Variants in NCOA2 observed in about 807,000 individuals in gnomAD.
NCOA2 encodes the protein class E basic helix-loop-helix protein 75.
NCOA2 carries 21 observed loss-of-function variants against 145.1 expected under a neutral mutation model. The ratio of observed to expected loss-of-function variants is 0.14; its 90% CI spans 0.10 to 0.21. The LOEUF is 0.21. NCOA2 is among the 10% of genes least tolerant of loss of function. The pLI, the probability that NCOA2 is intolerant of heterozygous loss-of-function variation, is 1.00. For synonymous variants in NCOA2, 619 were observed against 637.5 expected, an observed-to-expected ratio of 0.97 and a Z score of 0.44; for missense variants, 1,472 against 1,837.6, an observed-to-expected ratio of 0.80 and a Z score of 3.64.
At chr8:70,163,915 T>C (rs1321224104) in intron 7 of NCOA2, among the ~76,000 whole-genome samples, 1 of 152,188 alleles carries the variant, frequency 6.6e-6, no homozygotes, top group Non-Finnish European at 1.5e-5. Context: ...TTTAAATGGC[T>C]GATAGAAAAC....
chr8:70,331,838 G>A (rs1807135069), intron 1 of NCOA2, among the ~76,000 whole-genome samples: 2 of 152,110 alleles, frequency 1.3e-5, no homozygotes, highest in Admixed American at 1.3e-4. Flanking sequence ...AGCAAAGGCA[G>A]TATGAATAAA....
intron 7 of NCOA2, among the ~76,000 whole-genome samples, chr8:70,165,854 C>T (rs1398453196): frequency 6.6e-6 from 1 of 152,192 alleles, no homozygotes; most frequent in Non-Finnish European, 1.5e-5. Context: ...GAGTCTCACT[C>T]TGTCGCCCAG....
the NCOA2 span, among the ~76,000 whole-genome samples, chr8:70,431,601 A>G: frequency 4.6e-5 from 7 of 152,210 alleles, no homozygotes; most frequent in Non-Finnish European, 1.0e-4. Flanking sequence ...CTTATTCCAC[A>G]CTCTCATAAA....
chr8:70,161,283 G>A (rs1179589508), intron 9 of NCOA2, among the ~76,000 whole-genome samples: 1 of 152,154 alleles, frequency 6.6e-6, no homozygotes, highest in African/African-American at 2.4e-5. Context: ...ATTAAACTCA[G>A]GACCCAAGGA....
intron 1 of NCOA2, among the ~76,000 whole-genome samples, chr8:70,355,458 A>G (rs1320092790): frequency 2.0e-5 from 3 of 152,238 alleles, no homozygotes; most frequent in African/African-American, 4.8e-5. Context: ...GGTGAGAACT[A>G]TCCTCAGGGA....
rs141338976 is a variant in NCOA2, at chr8:70,256,267, G to A, written c.-19-39503C>T. Among the ~76,000 whole-genome samples the A allele has an allele frequency of 9.7e-4, 147 of 152,250 alleles. 2 individuals are homozygous for A. The East Asian group carries it at 0.024, about 25-fold the overall frequency. On this transcript the variant is annotated intron_variant, in intron 2 of 22. Coordinates refer to ENST00000452400, the MANE Select transcript of NCOA2 (RefSeq NM_006540.4). ...ATTCCTAGAGACCAGCTGACAGAAC[G>A]GGAGGCAAGGAAATGGAGGCAGATT...
At chr8:70,277,515 A>G (rs1825554363) in intron 2 of NCOA2, among the ~76,000 whole-genome samples, 1 of 152,200 alleles carries the variant, frequency 6.6e-6, no homozygotes, top group African/African-American at 2.4e-5. Flanking sequence ...ACATTTTAAA[A>G]TAAAATCTTT....
chr8:70,176,129 T>A (rs1035293132), intron 4 of NCOA2, among the ~76,000 whole-genome samples: 4 of 152,178 alleles, frequency 2.6e-5, no homozygotes, highest in African/African-American at 9.7e-5. Context: ...GTAAATGGGA[T>A]GGTATGTGAA....
intron 2 of NCOA2, among the ~76,000 whole-genome samples, chr8:70,235,108 T>C (rs1586199986): frequency 6.6e-6 from 1 of 152,228 alleles, no homozygotes; most frequent in Middle Eastern, 3.4e-3. Context: ...AAACAAAAGG[T>C]GCACACACAT....
intron 2 of NCOA2, among the ~76,000 whole-genome samples, chr8:70,280,429 C>T (rs1326966623): frequency 2.6e-5 from 4 of 152,136 alleles, no homozygotes; most frequent in Non-Finnish European, 4.4e-5. Context: ...CATCTGTTTT[C>T]TCAGAAATCA....
chr8:70,372,981 T>C (rs745698175), intron 1 of NCOA2, among the ~76,000 whole-genome samples: 7 of 152,246 alleles, frequency 4.6e-5, no homozygotes, highest in Admixed American at 6.5e-5. Context: ...TCCCATTGTA[T>C]GAATAATACA....
the NCOA2 span, among the ~76,000 whole-genome samples, chr8:70,447,310 C>T: frequency 3.2e-4 from 49 of 151,996 alleles, no homozygotes; most frequent in African/African-American, 1.2e-3. Flanking sequence ...TGGATTGGGG[C>T]GAAAAAGCAC....
intron 15 of NCOA2, 60 bp from the exon 16 acceptor site, chr8:70,132,062 T>C (rs1038776695): frequency 1.3e-6 from 2 of 1,515,434 alleles, no homozygotes; most frequent in Non-Finnish European, 1.8e-6. Context: ...AGAGAACAAA[T>C]TCTTTATCTC....
chr8:70,345,094 A>C (rs534656034), intron 1 of NCOA2, among the ~76,000 whole-genome samples: 1 of 152,320 alleles, frequency 6.6e-6, no homozygotes, highest in South Asian at 2.1e-4. Context: ...ACCACATCTG[A>C]AAAGTTAAAT....
chr8:70,301,687 T>C (rs1451028532), intron 1 of NCOA2, among the ~76,000 whole-genome samples: 1 of 122,268 alleles, frequency 8.2e-6, no homozygotes, highest in African/African-American at 3.1e-5. Flanking sequence ...AAAAGAAAGA[T>C]ATGTTTGTCA....
chr8:70,324,630 CAA>C (rs777649399), intron 1 of NCOA2, among the ~76,000 whole-genome samples: 1 of 141,454 alleles, frequency 7.1e-6, no homozygotes, highest in Non-Finnish European at 1.6e-5. Context: ...TGTCCAACCC[CAA>C]AAAAAAAAAG....
chr8:70,452,586 T>C, the NCOA2 span, among the ~76,000 whole-genome samples: 1 of 152,006 alleles, frequency 6.6e-6, no homozygotes, highest in African/African-American at 2.4e-5. Flanking sequence ...GTGTGTGGGG[T>C]CTCCTTTAGG....
intron 1 of NCOA2, among the ~76,000 whole-genome samples, chr8:70,358,033 A>C (rs1809887075): frequency 1.3e-5 from 2 of 152,156 alleles, no homozygotes; most frequent in Non-Finnish European, 2.9e-5. Context: ...CCTGGGTGAC[A>C]AAGCGAGACT....
At chr8:70,450,752 G>A in the NCOA2 span, among the ~76,000 whole-genome samples, 9 of 150,436 alleles carry the variant, frequency 6.0e-5, no homozygotes, top group Non-Finnish European at 1.2e-4. Context: ...GGTACTTTTT[G>A]TATTTTTAGT....
Sources: allele counts gnomAD v4.1 joint callset (sites outside exome capture counted in the v4.1 genomes callset), GRCh38; gene constraint gnomAD v4.1.1; transcripts MANE v1.5; gene names NCBI Gene and HGNC (gene_info 2026-07-23, HGNC 2026-07-21).